Variants in KCNIP1 observed in about 807,000 individuals in gnomAD.
The protein encoded by KCNIP1 is potassium voltage-gated channel interacting protein 1.
KCNIP1 carries 18 observed loss-of-function variants against 33.0 expected under a neutral mutation model. The observed-to-expected ratio is 0.55, with a 90% CI of 0.38 to 0.81. The LOEUF (loss-of-function observed/expected upper bound fraction) is 0.81. Among genes scored for constraint, KCNIP1 ranks in the 30% least tolerant of loss-of-function variants. KCNIP1 has a pLI of 0.00. For missense variants in KCNIP1, 238 were observed against 271.6 expected (o/e 0.88, Z 0.87); for synonymous variants, 93 against 98.3 (o/e 0.95, Z 0.32).
At chr5:170,482,360 A>T (rs1156780055) in intron 1 of KCNIP1, among the ~76,000 whole-genome samples, 6 of 152,292 alleles carry the variant, frequency 3.9e-5, no homozygotes, top group Admixed American at 3.9e-4. Flanking sequence ...TATCAATAAG[A>T]ATAATAACAG....
intron 1 of KCNIP1, among the ~76,000 whole-genome samples, chr5:170,694,914 T>A (rs1762841129): frequency 1.3e-5 from 2 of 152,206 alleles, no homozygotes; most frequent in African/African-American, 4.8e-5. Context: ...TTTGTAGAAC[T>A]CAAGGGCAGT....
intron 1 of KCNIP1, among the ~76,000 whole-genome samples, chr5:170,485,700 G>T (rs1174501823): frequency 6.6e-6 from 1 of 152,194 alleles, no homozygotes; most frequent in Non-Finnish European, 1.5e-5. Flanking sequence ...GAAGGCCAAG[G>T]CCTCCAGGCT....
chr5:170,732,771 C>T lies in KCNIP1; in HGVS notation c.436-29C>T, dbSNP rs761580736. ...GAAGAGCTTGACCTCATGGTTTCCA[C>T]ACTGTGTGCTTTTATGTCCCTGCTC... On this transcript the variant is annotated intron_variant, in intron 5 of 7. Coordinates refer to ENST00000328939, the MANE Select transcript of KCNIP1 (RefSeq NM_014592.4). 6 of 1,465,054 alleles carry T rather than the reference C, an allele frequency of 4.1e-6. No individual in the cohort carries two copies. The African/African-American group carries it at 5.6e-5, about 14-fold the overall frequency. 90.8% of individuals were successfully genotyped at this position (1,465,054 alleles called of 1,614,324 possible).
At chr5:170,456,981 A>G (rs766194970) in intron 1 of KCNIP1, among the ~76,000 whole-genome samples, 8 of 152,066 alleles carry the variant, frequency 5.3e-5, no homozygotes, top group Non-Finnish European at 1.0e-4. Context: ...CAGCCTCTCA[A>G]AATGCTGAGC....
At chr5:170,609,946 AG>A (rs1363263710) in intron 1 of KCNIP1, among the ~76,000 whole-genome samples, 1 of 152,242 alleles carries the variant, frequency 6.6e-6, no homozygotes, top group Admixed American at 6.5e-5. Context: ...AAGAAAAAAA[AG>A]GAAGCTGGAC....
intron 1 of KCNIP1, among the ~76,000 whole-genome samples, chr5:170,367,413 G>GAAAGAA (rs1365039294): frequency 1.1e-5 from 1 of 90,846 alleles, no homozygotes; most frequent in Non-Finnish European, 2.4e-5. Flanking sequence ...AAGAAAGAAA[G>GAAAGAA]AAAGAAAGGA....
At chr5:170,688,756 G>T (rs1762624212) in intron 1 of KCNIP1, among the ~76,000 whole-genome samples, 1 of 152,178 alleles carries the variant, frequency 6.6e-6, no homozygotes, top group African/African-American at 2.4e-5. Context: ...CAGAGGGAGA[G>T]CCCTAAGATT....
intron 1 of KCNIP1, among the ~76,000 whole-genome samples, chr5:170,520,310 A>G (rs946846026): frequency 6.6e-6 from 1 of 152,206 alleles, no homozygotes; most frequent in African/African-American, 2.4e-5. Flanking sequence ...AAGTGCAGGG[A>G]CAGCATCAGA....
intron 1 of KCNIP1, among the ~76,000 whole-genome samples, chr5:170,412,127 C>T (rs866450725): frequency 2.0e-5 from 3 of 152,196 alleles, no homozygotes; most frequent in African/African-American, 4.8e-5. Flanking sequence ...GCATAACAAA[C>T]GGACTGTGGG....
At chr5:170,354,243 C>T (rs376703615) in intron 1 of KCNIP1, among the ~76,000 whole-genome samples, 29 of 152,084 alleles carry the variant, frequency 1.9e-4, no homozygotes, top group African/African-American at 5.6e-4. Flanking sequence ...GGGATAGAAC[C>T]CTTTCCAGAG....
intron 1 of KCNIP1, among the ~76,000 whole-genome samples, chr5:170,440,157 G>A (rs780104892): frequency 3.9e-5 from 6 of 152,184 alleles, no homozygotes; most frequent in Admixed American, 3.3e-4. Context: ...AGAAGGCGGC[G>A]TCTGCAAACC....
At chr5:170,385,807 T>C (rs1395034828) in intron 1 of KCNIP1, among the ~76,000 whole-genome samples, 1 of 152,060 alleles carries the variant, frequency 6.6e-6, no homozygotes, top group Admixed American at 6.5e-5. Flanking sequence ...GCAATGACTT[T>C]GCAGAAATGA....
chr5:170,672,179 C>T (rs566854239), intron 1 of KCNIP1, among the ~76,000 whole-genome samples: 1 of 152,276 alleles, frequency 6.6e-6, no homozygotes, highest in African/African-American at 2.4e-5. Context: ...AAATGCAAGT[C>T]ACTTCGTGGA....
intron 1 of KCNIP1, among the ~76,000 whole-genome samples, chr5:170,633,658 A>G (rs1024304218): frequency 7.2e-6 from 1 of 138,650 alleles, no homozygotes; most frequent in Non-Finnish European, 1.6e-5. Context: ...AGGAGAGGTC[A>G]GAGAGATGGC....
At chr5:170,394,764 G>A (rs946446930) in intron 1 of KCNIP1, among the ~76,000 whole-genome samples, 3 of 152,066 alleles carry the variant, frequency 2.0e-5, no homozygotes, top group Admixed American at 1.3e-4. Context: ...CCTTCCTTTT[G>A]GAGTCCCCAG....
chr5:170,607,789 C>T (rs1424971118), intron 1 of KCNIP1, among the ~76,000 whole-genome samples: 17 of 152,186 alleles, frequency 1.1e-4, no homozygotes, highest in Admixed American at 1.1e-3. Flanking sequence ...ATGAGGGTCT[C>T]AGCCGGCGGG....
At chr5:170,472,934 T>A (rs1485031720) in intron 1 of KCNIP1, among the ~76,000 whole-genome samples, 1 of 152,174 alleles carries the variant, frequency 6.6e-6, no homozygotes, top group Non-Finnish European at 1.5e-5. Context: ...TCTTTTCCTC[T>A]GGGTAGATAC....
At chr5:170,450,695 C>T (rs543181724) in intron 1 of KCNIP1, among the ~76,000 whole-genome samples, 1 of 152,288 alleles carries the variant, frequency 6.6e-6, no homozygotes, top group South Asian at 2.1e-4. Context: ...CACCTCCGCC[C>T]CGATCCCCAG....
chr5:170,564,312 C>T (rs573252747), intron 1 of KCNIP1, among the ~76,000 whole-genome samples: 4 of 152,286 alleles, frequency 2.6e-5, no homozygotes, highest in East Asian at 3.9e-4. Context: ...CATCTTCTCC[C>T]GCCTCTGCTC....
Sources: gnomAD v4.1 joint callset for allele counts (sites outside exome capture counted in the v4.1 genomes callset) on GRCh38, gnomAD v4.1.1 for gene constraint, MANE v1.5 for transcripts, NCBI Gene and HGNC (gene_info 2026-07-23, HGNC 2026-07-21) for gene names.